Variants in SUGCT observed in about 807,000 individuals in gnomAD.
SUGCT encodes the protein succinyl-CoA:glutarate CoA-transferase.
In SUGCT, 41 loss-of-function variants were observed where a neutral mutation model predicts 55.0. The ratio of observed to expected loss-of-function variants is 0.74; its 90% CI spans 0.58 to 0.97. SUGCT has a LOEUF of 0.97. Among genes scored for constraint, SUGCT ranks in the 50% least tolerant of loss-of-function variants. The pLI, the probability that SUGCT is intolerant of heterozygous loss-of-function variation, is 0.00. For synonymous variants in SUGCT, 187 were observed against 200.4 expected (o/e 0.93, Z 0.56); for missense variants, 568 against 547.8 (o/e 1.04, Z -0.37).
chr7:40,613,756 G>A (rs1286662107), intron 12 of SUGCT, among the ~76,000 whole-genome samples: 3 of 152,132 alleles, frequency 2.0e-5, no homozygotes, highest in East Asian at 1.9e-4. Context: ...GATTACAGGC[G>A]CCTGCCACCA....
intron 10 of SUGCT, among the ~76,000 whole-genome samples, chr7:40,452,398 G>A (rs184551541): frequency 2.0e-5 from 3 of 152,236 alleles, no homozygotes; most frequent in Non-Finnish European, 4.4e-5. Context: ...CTATACATTG[G>A]TTCTCAATGT....
At chr7:40,934,740 G>A in the SUGCT span, among the ~76,000 whole-genome samples, 62 of 152,316 alleles carry the variant, frequency 4.1e-4, 2 homozygotes, top group South Asian at 0.01. Context: ...TGTAGGACCC[G>A]CCAAGCCAGG....
chr7:40,783,304 C>T (rs1346726623), intron 13 of SUGCT, among the ~76,000 whole-genome samples: 2 of 152,034 alleles, frequency 1.3e-5, no homozygotes, highest in Non-Finnish European at 2.9e-5. Flanking sequence ...TCAGGGAATC[C>T]CATACAGAAT....
At chr7:40,544,242 C>T (rs1794867816) in intron 12 of SUGCT, among the ~76,000 whole-genome samples, 1 of 150,790 alleles carries the variant, frequency 6.6e-6, no homozygotes, top group African/African-American at 2.4e-5. Context: ...CTTCCTTTTT[C>T]CTCCATAACC....
chr7:40,880,356 A>C, the SUGCT span, among the ~76,000 whole-genome samples: 2 of 152,158 alleles, frequency 1.3e-5, no homozygotes, highest in African/African-American at 4.8e-5. Flanking sequence ...GGCACAACAT[A>C]GCTGACTAAC....
chr7:40,927,224 C>T, the SUGCT span, among the ~76,000 whole-genome samples: 1 of 152,122 alleles, frequency 6.6e-6, no homozygotes. Flanking sequence ...GTGCTACCCA[C>T]TCAATCATGG....
intron 6 of SUGCT, among the ~76,000 whole-genome samples, chr7:40,233,468 C>G (rs975684696): frequency 8.5e-5 from 13 of 152,188 alleles, no homozygotes; most frequent in African/African-American, 2.9e-4. Flanking sequence ...ATCCACCCAC[C>G]CCGGCCTCCC....
intron 12 of SUGCT, among the ~76,000 whole-genome samples, chr7:40,526,066 T>C (rs1299362261): frequency 6.6e-6 from 1 of 152,202 alleles, no homozygotes; most frequent in Non-Finnish European, 1.5e-5. Context: ...AGGAAAAGTT[T>C]TATGAAGATT....
intron 9 of SUGCT, among the ~76,000 whole-genome samples, chr7:40,327,988 G>A (rs529413482): frequency 2.6e-5 from 4 of 152,282 alleles, no homozygotes; most frequent in East Asian, 1.9e-4. Flanking sequence ...CAAGTCCATG[G>A]TATAACTGGG....
the SUGCT span, among the ~76,000 whole-genome samples, chr7:40,900,198 C>T: frequency 6.6e-6 from 1 of 152,240 alleles, no homozygotes; most frequent in Non-Finnish European, 1.5e-5. Context: ...TTCAAATCAT[C>T]TTGTCATTCA....
At chr7:40,350,321 T>C (rs965183814) in intron 9 of SUGCT, among the ~76,000 whole-genome samples, 1 of 145,122 alleles carries the variant, frequency 6.9e-6, no homozygotes, top group African/African-American at 2.5e-5. Context: ...TATTTATTTA[T>C]TTATTTATTT....
the SUGCT span, among the ~76,000 whole-genome samples, chr7:40,925,191 C>T: frequency 1.3e-5 from 2 of 152,180 alleles, no homozygotes; most frequent in Admixed American, 1.3e-4. Flanking sequence ...TAAGCAAATC[C>T]TGACTTTCTA....
At chr7:40,339,547 G>T (rs111712309) in intron 9 of SUGCT, among the ~76,000 whole-genome samples, 2,404 of 152,320 alleles carry the variant, frequency 0.016, 50 homozygotes, top group South Asian at 0.065. Flanking sequence ...CTCTGAGCCA[G>T]GTGTGGGATA....
At chr7:40,697,066 G>GCA (rs536411136) in intron 12 of SUGCT, among the ~76,000 whole-genome samples, 11 of 151,804 alleles carry the variant, frequency 7.2e-5, no homozygotes, top group South Asian at 2.1e-4. Flanking sequence ...GATAGCAATT[G>GCA]CACACACACA....
chr7:40,186,834 G>A (rs1427382850), intron 3 of SUGCT, among the ~76,000 whole-genome samples: 1 of 152,192 alleles, frequency 6.6e-6, no homozygotes, highest in Non-Finnish European at 1.5e-5. Flanking sequence ...GCACAGAGCA[G>A]TGTCTGTGAC....
intron 11 of SUGCT, among the ~76,000 whole-genome samples, chr7:40,481,023 T>A (rs974146547): frequency 4.6e-5 from 7 of 152,100 alleles, no homozygotes; most frequent in Non-Finnish European, 8.8e-5. Flanking sequence ...CAACATTTTT[T>A]AAAAAATCAA....
chr7:41,015,025 T>TGCAG, the SUGCT span, among the ~76,000 whole-genome samples: 2 of 152,218 alleles, frequency 1.3e-5, no homozygotes, highest in Admixed American at 6.5e-5. Flanking sequence ...AAAGTATGAT[T>TGCAG]GCAGGCAGAA....
chr7:40,959,801 G>T, the SUGCT span, among the ~76,000 whole-genome samples: 4 of 152,174 alleles, frequency 2.6e-5, no homozygotes, highest in Non-Finnish European at 5.9e-5. Context: ...GGCACTGGTG[G>T]TGTAGGCACC....
chr7:40,847,470 G>T (rs1254477614), intron 13 of SUGCT, among the ~76,000 whole-genome samples: 4 of 136,184 alleles, frequency 2.9e-5, no homozygotes. Context: ...ATGCTGGAGT[G>T]CAGTGGTGCG....
Sources: gnomAD v4.1 joint callset for allele counts (sites outside exome capture counted in the v4.1 genomes callset) on GRCh38, gnomAD v4.1.1 for gene constraint, MANE v1.5 for transcripts, NCBI Gene and HGNC (gene_info 2026-07-23, HGNC 2026-07-21) for gene names.